Variants in SEC22C observed in about 807,000 individuals in gnomAD.
The protein encoded by SEC22C is vesicle-trafficking protein SEC22c.
SEC22C carries 29 observed loss-of-function variants against 34.7 expected under a neutral mutation model. The observed-to-expected ratio is 0.84, with a 90% CI of 0.62 to 1.14. SEC22C has a LOEUF of 1.14. SEC22C is among the 50% of genes most tolerant of loss of function. The pLI is 0.00. For synonymous variants in SEC22C, 117 were observed against 132.8 expected (o/e 0.88, Z 0.82); for missense variants, 337 against 369.0 (o/e 0.91, Z 0.71).
intron 1 of SEC22C, among the ~76,000 whole-genome samples, chr3:42,580,706 C>T (rs1704283104): frequency 1.3e-5 from 2 of 152,174 alleles, no homozygotes; most frequent in South Asian, 2.1e-4. Context: ...TAGATTCAAC[C>T]CAGACTTCCT....
At position 42,557,606 on chromosome 3, in the gene SEC22C, C is replaced by G. The variant is rs1231385109; in HGVS notation, c.617G>C (p.Gly206Ala). The G allele has an allele frequency of 1.3e-5, 20 of 1,597,590 alleles. No homozygotes were observed. The highest frequency in any genetic ancestry group is 1.5e-5 in the Non-Finnish European group (18 of 1,169,580). The stretch of plus-strand genomic sequence containing the variant: ...TAAAGAATGTTCTGCAAGGTGAACT[C>G]CTCGAATGAGATTCAGGGCAGCACA... ...IMCAALNLIR[G>A]VHLAEHSLQV... Residue 206 changes from glycine (G) to alanine (A), a missense_variant, in exon 5 of 7, where the codon GGA becomes GCA. Coordinates refer to ENST00000264454, the MANE Select transcript of SEC22C (RefSeq NM_032970.4).
At chr3:42,564,330 T>C in intron 2 of SEC22C, 1 of 164,710 alleles carries the variant, frequency 6.1e-6, no homozygotes, top group East Asian at 1.8e-4. Context: ...CCTATCTGTG[T>C]GTCTACTGAC....
At position 42,566,002 on chromosome 3, in the gene SEC22C, A is replaced by C. The variant is rs1326105657; in HGVS notation, c.183-2316T>G. The stretch of plus-strand genomic sequence containing the variant: ...CCAAAATACTACTGAAGTATCCAGG[A>C]TTTAAATCTGAAGTCTTAGACTTCT... On this transcript the variant is annotated intron_variant, in intron 2 of 6. Coordinates refer to ENST00000264454, the MANE Select transcript of SEC22C (RefSeq NM_032970.4). 1.2e-5 allele frequency: 5 copies of C among 418,996 alleles called. No individual in the cohort carries two copies. The East Asian group carries it at 2.8e-4, about 24-fold the overall frequency. The allele number at this position is 418,996 out of a possible 1,614,324, so 26.0% of individuals were successfully genotyped here. A position where few individuals can be genotyped will look rare whatever the true frequency, so the allele number is the denominator to read the frequency against.
chr3:42,574,994 G>A (rs188406987), intron 1 of SEC22C, among the ~76,000 whole-genome samples: 18 of 152,016 alleles, frequency 1.2e-4, no homozygotes, highest in Admixed American at 2.0e-4. Context: ...GACATGTACC[G>A]TTATACCCAG....
intron 6 of SEC22C, 97 bp downstream of exon 6, chr3:42,555,833 G>A: frequency 9.8e-7 from 1 of 1,023,752 alleles, no homozygotes; most frequent in Non-Finnish European, 1.5e-6. Flanking sequence ...GACCTTGGTG[G>A]AACAAAAATC....
intron 1 of SEC22C, among the ~76,000 whole-genome samples, chr3:42,590,193 T>C (rs888423157): frequency 2.6e-5 from 4 of 152,176 alleles, no homozygotes; most frequent in African/African-American, 9.7e-5. Flanking sequence ...ATACCAGAGT[T>C]TTCCTGGCCT....
At chr3:42,591,953 G>A (rs1035384507) in intron 1 of SEC22C, among the ~76,000 whole-genome samples, 2 of 152,104 alleles carry the variant, frequency 1.3e-5, no homozygotes, top group African/African-American at 4.8e-5. Flanking sequence ...TTGGATCCCT[G>A]CCTCATCCTT....
chr3:42,593,867 CAG>C (rs1345813614), intron 1 of SEC22C, among the ~76,000 whole-genome samples: 1 of 152,096 alleles, frequency 6.6e-6, no homozygotes, highest in Non-Finnish European at 1.5e-5. Flanking sequence ...ATAAGTAAGA[CAG>C]AGAAAGCATC....
chr3:42,571,862 G>A (rs7651167), intron 1 of SEC22C, among the ~76,000 whole-genome samples: 3,183 of 152,126 alleles, frequency 0.021, 127 homozygotes, highest in African/African-American at 0.072. Context: ...GCGAAACCCC[G>A]TCTCTACTAA....
At position 42,551,058 on chromosome 3, in the gene SEC22C, G is replaced by A. The variant is rs1488158630; in HGVS notation, c.*2190C>T. On this transcript the variant is annotated 3_prime_UTR_variant, in exon 7 of 7. Coordinates refer to ENST00000264454, the MANE Select transcript of SEC22C (RefSeq NM_032970.4). Reference sequence around the variant, plus strand: ...TAATTTTTGTATTTTTAGTAGAGATGGGGTTTCACCATGTTAGCCAGGATG... The same window carrying A: ...TAATTTTTGTATTTTTAGTAGAGATAGGGTTTCACCATGTTAGCCAGGATG... The A allele has an allele frequency of 3.3e-6, 3 of 904,910 alleles. No homozygotes were observed. Among genetic ancestry groups the A allele is most frequent in the Non-Finnish European group, 1.3e-6 (1 of 756,880 alleles). The allele number at this position is 904,910 out of a possible 1,614,324, so 56.1% of individuals were successfully genotyped here.
Position 42,557,572 on chromosome 3 carries a change from G to T in SEC22C, c.645+6C>A. 9 of 1,330,350 alleles carry T rather than the reference G, an allele frequency of 6.8e-6. No individual in the cohort carries two copies. The highest frequency in any genetic ancestry group is 1.5e-5 in the African/African-American group (1 of 65,270). The allele number at this position is 1,330,350 out of a possible 1,614,324, so 82.4% of individuals were successfully genotyped here. On this transcript the variant is annotated splice_donor_region_variant and intron_variant, in intron 5 of 6. Coordinates refer to ENST00000264454, the MANE Select transcript of SEC22C (RefSeq NM_032970.4). Reference sequence around the variant, plus strand: ...TAAACTGTTTTAAAAAAAAAAAAAAGGTTACCTGTAAAGAATGTTCTGCAA... The same window carrying T: ...TAAACTGTTTTAAAAAAAAAAAAAATGTTACCTGTAAAGAATGTTCTGCAA...
chr3:42,595,170 T>G (rs1432799793), intron 1 of SEC22C: 2 of 152,232 alleles, frequency 1.3e-5, no homozygotes, highest in Non-Finnish European at 2.9e-5. Flanking sequence ...TGATGTTTAA[T>G]TTTCTTCAGT....
At position 42,548,908 on chromosome 3, in the gene SEC22C, G is replaced by A. The variant is rs1430301125; in HGVS notation, c.*4340C>T. 8 of 1,319,004 alleles carry A rather than the reference G, an allele frequency of 6.1e-6. No homozygotes were observed. In the South Asian group the frequency reaches 1.2e-4, roughly 21 times the overall value. The allele number at this position is 1,319,004 out of a possible 1,614,324, so 81.7% of individuals were successfully genotyped here. A position where few individuals can be genotyped will look rare whatever the true frequency, so the allele number is the denominator to read the frequency against. On this transcript the variant is annotated 3_prime_UTR_variant, in exon 7 of 7. Coordinates refer to ENST00000264454, the MANE Select transcript of SEC22C (RefSeq NM_032970.4). ...CTCCCACACACAATGGACTCACCCA[G>A]TATTACCCTCCACTACCACTTTTGA...
chr3:42,590,365 T>C (rs1012725090), intron 1 of SEC22C, among the ~76,000 whole-genome samples: 6 of 152,022 alleles, frequency 3.9e-5, no homozygotes, highest in Admixed American at 1.3e-4. Context: ...TGCAGATAGA[T>C]TGAGTATGCA....
upstream of SEC22C, among the ~76,000 whole-genome samples, chr3:42,582,574 G>C (rs550078702): frequency 2.6e-5 from 4 of 152,368 alleles, no homozygotes; most frequent in South Asian, 8.3e-4. Flanking sequence ...TGTGCCAGGG[G>C]TTGTGGACAA....
chr3:42,589,761 C>T (rs780220368), intron 1 of SEC22C, among the ~76,000 whole-genome samples: 12 of 152,188 alleles, frequency 7.9e-5, no homozygotes, highest in Non-Finnish European at 1.8e-4. Context: ...CCCCCACCTC[C>T]GTGGAAGACA....
At chr3:42,573,448 C>T (rs955439093) in intron 1 of SEC22C, 2 of 152,304 alleles carry the variant, frequency 1.3e-5, no homozygotes, top group Admixed American at 1.3e-4. Context: ...TCGCTTGAAT[C>T]CGGGAGGCTG....
intron 1 of SEC22C, among the ~76,000 whole-genome samples, chr3:42,592,626 T>C (rs1225009197): frequency 6.6e-6 from 1 of 152,230 alleles, no homozygotes; most frequent in Non-Finnish European, 1.5e-5. Flanking sequence ...AGTAGAGATA[T>C]CAGTTTTTGG....
chr3:42,560,464 A>C (rs1702832426), intron 4 of SEC22C, among the ~76,000 whole-genome samples: 1 of 150,902 alleles, frequency 6.6e-6, no homozygotes, highest in Non-Finnish European at 1.5e-5. Flanking sequence ...GCTTGAGCCC[A>C]GGAGTTCGAG....
Sources: allele counts gnomAD v4.1 joint callset (sites outside exome capture counted in the v4.1 genomes callset), GRCh38; gene constraint gnomAD v4.1.1; transcripts MANE v1.5; gene names NCBI Gene and HGNC (gene_info 2026-07-23, HGNC 2026-07-21).